Variants in NOL10 observed in about 807,000 individuals in gnomAD.
The protein encoded by NOL10 is nucleolar protein 10.
A neutral mutation model predicts 103.5 loss-of-function variants in NOL10; 58 were observed. The observed-to-expected ratio is 0.56, with a 90% CI of 0.45 to 0.70. The LOEUF is 0.70. NOL10 is among the 30% of genes least tolerant of loss of function. The pLI, the probability that NOL10 is intolerant of heterozygous loss-of-function variation, is 0.00. For missense variants in NOL10, 763 were observed against 807.3 expected, an observed-to-expected ratio of 0.95 and a Z score of 0.67; for synonymous variants, 287 against 282.5, an observed-to-expected ratio of 1.02 and a Z score of -0.16.
chr2:10,638,107 T>G (rs1255641112), intron 13 of NOL10, among the ~76,000 whole-genome samples: 1 of 151,922 alleles, frequency 6.6e-6, no homozygotes, highest in African/African-American at 2.4e-5. Context: ...CACAGTGAGA[T>G]CCTCTCTCTA....
At chr2:10,689,664 TG>T in intron 1 of NOL10, 131 bp downstream of exon 1, 3 of 876,658 alleles carry the variant, frequency 3.4e-6, no homozygotes, top group South Asian at 3.2e-5. Flanking sequence ...CAGCCGCCTC[TG>T]GGCCTCCCCG....
intron 19 of NOL10, among the ~76,000 whole-genome samples, chr2:10,588,633 G>C (rs1675238874): frequency 6.6e-6 from 1 of 152,166 alleles, no homozygotes; most frequent in South Asian, 2.1e-4. Context: ...TCAAACCACT[G>C]ATCTGTAGGG....
At chr2:10,632,290 T>C (rs1456574096) in intron 13 of NOL10, among the ~76,000 whole-genome samples, 2 of 152,138 alleles carry the variant, frequency 1.3e-5, no homozygotes, top group Non-Finnish European at 2.9e-5. Flanking sequence ...CGTAAAGAAG[T>C]AAATAAACGA....
chr2:10,646,381 A>T (rs1679072701), intron 12 of NOL10, among the ~76,000 whole-genome samples: 1 of 152,224 alleles, frequency 6.6e-6, no homozygotes, highest in South Asian at 2.1e-4. Context: ...AACCACGGAA[A>T]GGGCTCTAAT....
intron 19 of NOL10, among the ~76,000 whole-genome samples, chr2:10,584,099 T>C (rs1258648582): frequency 1.3e-5 from 2 of 152,190 alleles, no homozygotes; most frequent in Admixed American, 6.5e-5. Flanking sequence ...GCACCGTGCC[T>C]CTGCCAGGAA....
chr2:10,681,907 C>G, intron 3 of NOL10, 64 bp downstream of exon 3: 1 of 613,878 alleles, frequency 1.6e-6, no homozygotes, highest in Non-Finnish European at 2.5e-6. Context: ...AAAAAAAAGA[C>G]CTTTCCCATC....
chr2:10,688,533 T>G (rs1473366997), intron 1 of NOL10, among the ~76,000 whole-genome samples: 46 of 152,244 alleles, frequency 3.0e-4, no homozygotes. Context: ...TCCAAGTTTC[T>G]GCTCATATGT....
intron 3 of NOL10, among the ~76,000 whole-genome samples, chr2:10,677,421 C>T (rs1026370327): frequency 3.4e-5 from 5 of 147,036 alleles, no homozygotes; most frequent in Non-Finnish European, 6.0e-5. Flanking sequence ...CCCAAGATTT[C>T]GTTTAAAGAA....
chr2:10,592,328 G>T (rs543452030), intron 17 of NOL10, among the ~76,000 whole-genome samples: 1 of 152,306 alleles, frequency 6.6e-6, no homozygotes, highest in East Asian at 1.9e-4. Flanking sequence ...CACTGAGTTA[G>T]AATCCATCAC....
At chr2:10,657,915 A>G in intron 10 of NOL10, 24 bp from the exon 11 acceptor site, 1 of 1,478,290 alleles carries the variant, frequency 6.8e-7, no homozygotes, top group Non-Finnish European at 9.1e-7. Flanking sequence ...ATTTCTGTTT[A>G]AACAAACTAG....
chr2:10,635,567 C>T (rs1678149065), intron 13 of NOL10, among the ~76,000 whole-genome samples: 1 of 152,152 alleles, frequency 6.6e-6, no homozygotes, highest in South Asian at 2.1e-4. Context: ...GAGACTGATA[C>T]AAAGTGCCTG....
At chr2:10,612,082 C>CA (rs1412389203) in intron 13 of NOL10, among the ~76,000 whole-genome samples, 1 of 151,826 alleles carries the variant, frequency 6.6e-6, no homozygotes, top group East Asian at 2.0e-4. Context: ...ATGATGGTGC[C>CA]ACTGCCCTCC....
intron 13 of NOL10, among the ~76,000 whole-genome samples, chr2:10,627,830 C>T (rs1340555020): frequency 6.6e-6 from 1 of 151,928 alleles, no homozygotes; most frequent in East Asian, 1.9e-4. Flanking sequence ...GCATCCTAAA[C>T]CTCAACATCA....
chr2:10,680,927 TTAGAGA>T (rs1488194865), intron 3 of NOL10, among the ~76,000 whole-genome samples: 2 of 152,342 alleles, frequency 1.3e-5, no homozygotes, highest in African/African-American at 4.8e-5. Flanking sequence ...ATGTAAAATC[TTAGAGA>T]TATTTTTAAA....
In NOL10 at chr2:10,681,953, A is replaced by G. The variant is rs1572444127; in HGVS notation, c.211+18T>C. On this transcript the variant is annotated intron_variant, in intron 3 of 20. Transcript: ENST00000381685. ...CTGGTACAAAATGCATGAAAATCAT[A>G]ACCAAAAAGATGCTTACCAGTTGCT... is the stretch of plus-strand genomic sequence containing the variant. 2.5e-6 allele frequency: 3 copies of G among 1,215,166 alleles called. No homozygotes were observed. Among genetic ancestry groups the G allele is most frequent in the Non-Finnish European group, 2.2e-6 (2 of 900,964 alleles). 75.3% of individuals were successfully genotyped at this position (1,215,166 alleles called of 1,614,324 possible). A position where few individuals can be genotyped will look rare whatever the true frequency, so the allele number is the denominator to read the frequency against.
chr2:10,647,106 C>T (rs1679128706), intron 12 of NOL10, among the ~76,000 whole-genome samples: 1 of 152,092 alleles, frequency 6.6e-6, no homozygotes, highest in Non-Finnish European at 1.5e-5. Context: ...TAAAACTATA[C>T]ATTTTTAAAG....
intron 13 of NOL10, among the ~76,000 whole-genome samples, chr2:10,618,864 T>C (rs1157470377): frequency 6.6e-6 from 1 of 152,216 alleles, no homozygotes; most frequent in Admixed American, 6.5e-5. Context: ...CACTCTGCTA[T>C]TTCACCAAAC....
Position 10,675,690 on chromosome 2 carries a change from T to C in NOL10, c.289+104A>G, listed in dbSNP as rs1681260383. ...GGGATTGTAGTACAGTAATTTGTTA[T>C]ACAGCAATAAAAAACTAATTACAAA... On this transcript the variant is annotated intron_variant, in intron 4 of 20. Coordinates refer to ENST00000381685, the MANE Select transcript of NOL10 (RefSeq NM_024894.4). 17 of 644,992 alleles carry C rather than the reference T, an allele frequency of 2.6e-5. No individual in the cohort carries two copies. The South Asian group carries it at 2.8e-4, about 11-fold the overall frequency. 40.0% of individuals were successfully genotyped at this position (644,992 alleles called of 1,614,324 possible). A position where few individuals can be genotyped will look rare whatever the true frequency, so the allele number is the denominator to read the frequency against.
rs575641144 is a variant in NOL10, at chr2:10,577,314, T to A, written c.1947+322A>T. 3.3e-5 allele frequency among the ~76,000 whole-genome samples: 5 copies of A among 152,290 alleles called. No individual in the cohort carries two copies. The East Asian group carries it at 9.7e-4, about 29-fold the overall frequency. On this transcript the variant is annotated intron_variant, in intron 20 of 20. Transcript: ENST00000381685. The stretch of plus-strand genomic sequence containing the variant: ...TCTTTAGAGGGTCAGGATGGGACTT[T>A]TGCTTTATAAGCCGCACCTGAGGCT...
Sources: allele counts gnomAD v4.1 joint callset (sites outside exome capture counted in the v4.1 genomes callset), GRCh38; gene constraint gnomAD v4.1.1; transcripts MANE v1.5; gene names NCBI Gene and HGNC (gene_info 2026-07-23, HGNC 2026-07-21).